Variants in STOX2 observed in about 807,000 individuals in gnomAD.
STOX2 encodes the protein storkhead box 2.
Under a neutral mutation model 60.9 loss-of-function variants are expected in STOX2, and 28 were observed. The ratio of observed to expected loss-of-function variants is 0.46; its 90% CI spans 0.34 to 0.63. The LOEUF (loss-of-function observed/expected upper bound fraction) is 0.63. Among genes scored for constraint, STOX2 ranks in the 30% least tolerant of loss-of-function variants. The pLI is 0.01. For missense variants in STOX2, 1,024 were observed against 1,187.7 expected (o/e 0.86, Z 2.03); for synonymous variants, 472 against 463.9 (o/e 1.02, Z -0.22).
chr4:183,843,529 G>A lies in STOX2; in HGVS notation c.364+45474G>A, dbSNP rs533451254. Among the ~76,000 whole-genome samples the A allele has an allele frequency of 5.3e-5, 8 of 152,314 alleles. No individual in the cohort carries two copies. In the South Asian group the frequency reaches 1.7e-3, roughly 32 times the overall value. On this transcript the variant is annotated intron_variant, in intron 1 of 2. Transcript: ENST00000513034. ...GGCTAGATAGTGTATGCTTTCGACT[G>A]TGGGGCCATATGGTCTCTGTCACCA...
At position 184,001,751 on chromosome 4, in the gene STOX2, G is replaced by C. The variant is rs534919931; in HGVS notation, c.319+274G>C. On this transcript the variant is annotated intron_variant, in intron 2 of 3. Coordinates refer to ENST00000308497, the MANE Select transcript of STOX2 (RefSeq NM_020225.3). This position sits in a 1 kb window ranked among gnomAD's most constrained non-coding sequence, Gnocchi z 4.2. ...TGAAGAATCTGGCAAGAATGACCAG[G>C]ACTCCAGTCAGTCTTTGCAAACTAA... is the stretch of plus-strand genomic sequence containing the variant. Among the ~76,000 whole-genome samples, 42 of 151,952 alleles carry C rather than the reference G, an allele frequency of 2.8e-4. No individual in the cohort carries two copies. The highest frequency in any genetic ancestry group is 8.3e-4 in the South Asian group (4 of 4,794).
intron 1 of STOX2, among the ~76,000 whole-genome samples, chr4:183,813,273 C>T (rs1350496322): frequency 6.6e-6 from 1 of 152,154 alleles, no homozygotes; most frequent in Admixed American, 6.5e-5. Context: ...ATTCCAGCTA[C>T]TTGGGAGGCT....
chr4:184,009,912 A>G lies in STOX2; in HGVS notation c.1074A>G (p.Lys358=). 2 of 1,612,848 alleles carry G rather than the reference A, an allele frequency of 1.2e-6. No homozygotes were observed. Among genetic ancestry groups the G allele is most frequent in the Non-Finnish European group, 1.7e-6 (2 of 1,179,406 alleles). The part of the protein sequence containing the change: ...GSSAHHSGRS[K]KSRTHRKSHG... The stretch of plus-strand genomic sequence containing the variant: ...CTGCCCATCACAGCGGAAGGAGTAA[A>G]AAGAGTAGGACTCATCGGAAGTCCC... The change falls in exon 3 of 4, where the codon AAA becomes AAG. Residue 358 remains lysine, a synonymous_variant. Transcript: ENST00000308497. This position sits in a 1 kb window ranked among gnomAD's most constrained non-coding sequence, Gnocchi z 4.0.
intron 1 of STOX2, among the ~76,000 whole-genome samples, chr4:183,951,146 T>C (rs371975189): frequency 0.029 from 4,080 of 140,838 alleles, 173 homozygotes; most frequent in African/African-American, 0.093. Flanking sequence ...ACCCGGGAGG[T>C]GGAGCTTGCA....
intron 1 of STOX2, among the ~76,000 whole-genome samples, chr4:183,956,614 A>G (rs745754825): frequency 2.6e-4 from 40 of 152,164 alleles, no homozygotes; most frequent in Non-Finnish European, 5.9e-5. Flanking sequence ...ACATAATAAG[A>G]CTAGAATTAC....
At chr4:183,852,684 T>G (rs996185843) in intron 1 of STOX2, among the ~76,000 whole-genome samples, 1 of 152,212 alleles carries the variant, frequency 6.6e-6, no homozygotes, top group Non-Finnish European at 1.5e-5. Context: ...GGGAGGTTCT[T>G]TTTTTCTGCA....
At chr4:183,985,780 A>G (rs1170456992) in intron 1 of STOX2, among the ~76,000 whole-genome samples, 2 of 152,318 alleles carry the variant, frequency 1.3e-5, no homozygotes, top group East Asian at 1.9e-4. Flanking sequence ...CACTGCCAGG[A>G]CTACAGATAT....
intron 1 of STOX2, among the ~76,000 whole-genome samples, chr4:183,916,398 C>T (rs754568760): frequency 1.1e-4 from 16 of 152,176 alleles, no homozygotes; most frequent in Admixed American, 2.6e-4. Flanking sequence ...CTTCATAGTT[C>T]AATGTTACCA....
At chr4:183,874,978 TATATATATATATATAA>T (rs1198190618) in intron 1 of STOX2, among the ~76,000 whole-genome samples, 5 of 94,660 alleles carry the variant, frequency 5.3e-5, no homozygotes, top group African/African-American at 2.3e-4. Flanking sequence ...TATATATATA[TATATATATATATATAA>T]AACTTAGAAT....
At chr4:183,942,143 G>A (rs895222701) in intron 1 of STOX2, among the ~76,000 whole-genome samples, 10 of 152,112 alleles carry the variant, frequency 6.6e-5, no homozygotes, top group Non-Finnish European at 1.3e-4. Context: ...TAACAGCTCT[G>A]AGATCAGCAG....
chr4:183,875,543 T>C (rs1740810202), intron 1 of STOX2, among the ~76,000 whole-genome samples: 1 of 152,196 alleles, frequency 6.6e-6, no homozygotes. Context: ...GCCCGAGGCC[T>C]GGTGGAGCGG....
In STOX2 at chr4:183,856,473, G is replaced by A. The variant is rs1295575736; in HGVS notation, c.364+58418G>A. Among the ~76,000 whole-genome samples, 1 of 152,136 alleles carries A rather than the reference G, an allele frequency of 6.6e-6. No homozygotes were observed. Among genetic ancestry groups the A allele is most frequent in the African/African-American group, 2.4e-5 (1 of 41,426 alleles). On this transcript the variant is annotated intron_variant, in intron 1 of 2. Transcript: ENST00000513034. The surrounding 1 kb of genome is among the most constrained non-coding windows in gnomAD (Gnocchi z 4.0). Reference sequence around the variant, plus strand: ...GCTAACCTCGTATTTGACAGGTGAGGGTATTAATTCTGTTATTTCCACCTT... The same window carrying A: ...GCTAACCTCGTATTTGACAGGTGAGAGTATTAATTCTGTTATTTCCACCTT...
rs1291031785 is a variant in STOX2 at position 184,011,551 on chromosome 4, G to A, written c.2585+128G>A. 1 of 1,558,970 alleles carries A rather than the reference G, an allele frequency of 6.4e-7. No individual in the cohort carries two copies. Among genetic ancestry groups the A allele is most frequent in the South Asian group, 1.2e-5 (1 of 84,212 alleles). ...ATGAGGGTTAAGAGTTGTATGAGTTGTATTGTTAACAATCTGTTTCTGACT... is the reference window on the plus strand; with the variant it reads ...ATGAGGGTTAAGAGTTGTATGAGTTATATTGTTAACAATCTGTTTCTGACT... On this transcript the variant is annotated intron_variant, in intron 3 of 3. Transcript: ENST00000308497. This position sits in a 1 kb window ranked among gnomAD's most constrained non-coding sequence, Gnocchi z 4.4.
chr4:183,830,770 G>C (rs1398800060), intron 1 of STOX2, among the ~76,000 whole-genome samples: 2 of 152,138 alleles, frequency 1.3e-5, no homozygotes, highest in Non-Finnish European at 2.9e-5. Flanking sequence ...AGTCATTAAG[G>C]GCCCTCCTCC....
At position 183,866,071 on chromosome 4, in the gene STOX2, G is replaced by A. The variant is rs78697098; in HGVS notation, c.364+68016G>A. ...GGAGCAGAGAAAACCCACAGCATAG[G>A]TGAAGGGGAGAAAGATACACGTGCT... On this transcript the variant is annotated intron_variant, in intron 1 of 2. Coordinates refer to the STOX2 transcript ENST00000513034. Among the ~76,000 whole-genome samples the A allele has an allele frequency of 1.6e-3, 250 of 152,260 alleles. 2 individuals carry two copies. Among genetic ancestry groups the A allele is most frequent in the East Asian group, 0.01 (53 of 5,186 alleles).
chr4:183,897,334 C>T (rs763159464), intron 1 of STOX2, among the ~76,000 whole-genome samples: 2 of 152,126 alleles, frequency 1.3e-5, no homozygotes, highest in Non-Finnish European at 2.9e-5. Flanking sequence ...TGAGAGCATG[C>T]CTGGGTGCTT....
At position 184,011,280 on chromosome 4, in the gene STOX2, G is replaced by A; in HGVS notation, c.2442G>A (p.Leu814=). 6.2e-7 allele frequency: 1 copy of A among 1,613,966 alleles called. No homozygotes were observed. Among genetic ancestry groups the A allele is most frequent in the Non-Finnish European group, 8.5e-7 (1 of 1,179,858 alleles). ...WLLEREKERD[L]QRKFEKNLTL... is the part of the protein sequence containing the mutation. ...TCGAGCGGGAGAAGGAAAGAGACTTGCAGAGGAAATTTGAAAAGAACCTCA... is the reference window on the plus strand; with the variant it reads ...TCGAGCGGGAGAAGGAAAGAGACTTACAGAGGAAATTTGAAAAGAACCTCA... The change falls in exon 3 of 4, where the codon TTG becomes TTA. Residue 814 remains leucine, a synonymous_variant. Transcript: ENST00000308497. This position sits in a 1 kb window ranked among gnomAD's most constrained non-coding sequence, Gnocchi z 4.4.
chr4:183,955,969 C>T (rs12500346), intron 1 of STOX2, among the ~76,000 whole-genome samples: 9,507 of 76,280 alleles, frequency 0.12, 592 homozygotes, highest in African/African-American at 0.31. Flanking sequence ...GAGAGTAAGG[C>T]ATATGATTTT....
intron 1 of STOX2, among the ~76,000 whole-genome samples, chr4:183,812,355 G>T (rs1010640698): frequency 1.3e-4 from 20 of 152,230 alleles, no homozygotes; most frequent in Admixed American, 2.6e-4. Context: ...TACTTTAAAT[G>T]TACTCAAACT....
Sources: allele counts gnomAD v4.1 joint callset (sites outside exome capture counted in the v4.1 genomes callset), GRCh38; gene constraint gnomAD v4.1.1; non-coding constraint Gnocchi (gnomAD v3.1); transcripts MANE v1.5; gene names NCBI Gene and HGNC (gene_info 2026-07-23, HGNC 2026-07-21).